Variants in CNTNAP2 observed in about 807,000 individuals in gnomAD.
The protein encoded by CNTNAP2 is contactin-associated protein-like 2.
In CNTNAP2, 98 loss-of-function variants were observed where a neutral mutation model predicts 155.2. The ratio of observed to expected loss-of-function variants is 0.63; its 90% CI spans 0.54 to 0.75. CNTNAP2 has a LOEUF of 0.75. Among genes scored for constraint, CNTNAP2 ranks in the 30% least tolerant of loss-of-function variants. The pLI, the probability that CNTNAP2 is intolerant of heterozygous loss-of-function variation, is 0.00. For synonymous variants in CNTNAP2, 651 were observed against 631.2 expected (o/e 1.03, Z -0.47); for missense variants, 1,727 against 1,688.1 (o/e 1.02, Z -0.40).
chr7:148,061,831 A>G (rs1585104338), intron 15 of CNTNAP2, among the ~76,000 whole-genome samples: 1 of 128,266 alleles, frequency 7.8e-6, no homozygotes, highest in African/African-American at 2.9e-5. Flanking sequence ...TGTAGTCTAG[A>G]TACCTAGATA....
chr7:146,706,545 C>T (rs182760383), intron 1 of CNTNAP2, among the ~76,000 whole-genome samples: 62 of 152,042 alleles, frequency 4.1e-4, no homozygotes, highest in Middle Eastern at 3.4e-3. Flanking sequence ...AACAGGCGGC[C>T]GCTGAATGTC....
At chr7:148,099,139 C>T (rs2116577270) in intron 15 of CNTNAP2, among the ~76,000 whole-genome samples, 1 of 152,218 alleles carries the variant, frequency 6.6e-6, no homozygotes, top group South Asian at 2.1e-4. Flanking sequence ...AAAAATAGAA[C>T]CGAGTGTTCA....
intron 8 of CNTNAP2, among the ~76,000 whole-genome samples, chr7:147,293,925 G>A (rs1299013952): frequency 6.6e-6 from 1 of 152,112 alleles, no homozygotes; most frequent in East Asian, 1.9e-4. Context: ...AAATGAGAAG[G>A]TGCTGTAATA....
At chr7:147,913,898 G>T (rs1316164431) in intron 14 of CNTNAP2, among the ~76,000 whole-genome samples, 1 of 152,136 alleles carries the variant, frequency 6.6e-6, no homozygotes, top group Non-Finnish European at 1.5e-5. Flanking sequence ...CAACTGGGTA[G>T]GAATGTATGA....
At chr7:146,488,461 C>T (rs1479717441) in intron 1 of CNTNAP2, among the ~76,000 whole-genome samples, 1 of 151,576 alleles carries the variant, frequency 6.6e-6, no homozygotes, top group Non-Finnish European at 1.5e-5. Context: ...GTAGGTATAC[C>T]TGGAATGCAT....
chr7:147,934,226 A>G (rs1922888), intron 14 of CNTNAP2, among the ~76,000 whole-genome samples: 105,414 of 152,020 alleles, frequency 0.69, 40,373 homozygotes, highest in Non-Finnish European at 0.85. Flanking sequence ...CCTTTTTCAC[A>G]CTGCTGATAA....
chr7:148,051,058 T>C (rs766308608), intron 15 of CNTNAP2, among the ~76,000 whole-genome samples: 29 of 152,362 alleles, frequency 1.9e-4, no homozygotes, highest in Non-Finnish European at 3.7e-4. Context: ...ACTGTATTAG[T>C]AAACTAAATT....
At chr7:147,065,075 C>A (rs1057105418) in intron 4 of CNTNAP2, among the ~76,000 whole-genome samples, 1 of 152,246 alleles carries the variant, frequency 6.6e-6, no homozygotes, top group South Asian at 2.1e-4. Context: ...GTTTTAAATG[C>A]ACAAATGGAC....
chr7:147,590,643 G>A (rs1800719215), intron 12 of CNTNAP2, among the ~76,000 whole-genome samples: 2 of 152,120 alleles, frequency 1.3e-5, no homozygotes, highest in African/African-American at 4.8e-5. Context: ...TTCTGTCCGT[G>A]AACAACTTAT....
At chr7:147,710,163 CA>C (rs1796382017) in intron 13 of CNTNAP2, among the ~76,000 whole-genome samples, 1 of 152,146 alleles carries the variant, frequency 6.6e-6, no homozygotes, top group Admixed American at 6.5e-5. Flanking sequence ...ATTGTTTCTG[CA>C]TGTTGGAGTT....
intron 21 of CNTNAP2, among the ~76,000 whole-genome samples, chr7:148,344,749 T>C (rs1317760665): frequency 1.3e-5 from 2 of 152,222 alleles, no homozygotes; most frequent in Non-Finnish European, 2.9e-5. Context: ...CAGCAGCATA[T>C]GTGAAAGCAC....
chr7:146,499,779 G>T (rs181516706), intron 1 of CNTNAP2, among the ~76,000 whole-genome samples: 3 of 152,140 alleles, frequency 2.0e-5, no homozygotes, highest in African/African-American at 7.2e-5. Flanking sequence ...CACTGGTGTT[G>T]TATTGAAGCT....
intron 3 of CNTNAP2, among the ~76,000 whole-genome samples, chr7:146,896,162 G>A (rs1197035193): frequency 6.6e-6 from 1 of 152,046 alleles, no homozygotes; most frequent in Non-Finnish European, 1.5e-5. Context: ...AGAATCACAT[G>A]AATCCAGAAT....
At chr7:147,598,883 C>T (rs1008662720) in intron 12 of CNTNAP2, among the ~76,000 whole-genome samples, 1 of 152,074 alleles carries the variant, frequency 6.6e-6, no homozygotes, top group Non-Finnish European at 1.5e-5. Flanking sequence ...ACTGCTCCCT[C>T]CTGCCACCAT....
chr7:146,247,986 A>G (rs1799690152), intron 1 of CNTNAP2, among the ~76,000 whole-genome samples: 1 of 151,116 alleles, frequency 6.6e-6, no homozygotes. Flanking sequence ...CAGAGATATA[A>G]GAGGTTGGGG....
Position 147,519,012 on chromosome 7 carries a change from A to G in CNTNAP2, c.1777+32971A>G, listed in dbSNP as rs534643645. ...CGCCACTGCACTCCAGCCTGGCGAC[A>G]GACTCTGTCTCAAAAAAAAAAAAAA... On this transcript the variant is annotated intron_variant, in intron 11 of 23. Transcript: ENST00000361727. Among the ~76,000 whole-genome samples the G allele has an allele frequency of 6.0e-5, 8 of 133,758 alleles. No individual in the cohort carries two copies. In the South Asian group the frequency reaches 2.2e-3, roughly 37 times the overall value. 87.8% of individuals were successfully genotyped at this position (133,758 alleles called of 152,430 possible).
chr7:146,318,582 A>C (rs759316210), intron 1 of CNTNAP2, among the ~76,000 whole-genome samples: 2 of 152,130 alleles, frequency 1.3e-5, no homozygotes, highest in Non-Finnish European at 2.9e-5. Flanking sequence ...CTCCCTATTT[A>C]CAAACACTCT....
chr7:148,408,275 CAA>C (rs746782224), intron 22 of CNTNAP2, among the ~76,000 whole-genome samples: 14 of 151,294 alleles, frequency 9.3e-5, no homozygotes, highest in African/African-American at 2.7e-4. Flanking sequence ...CACACACACA[CAA>C]AAAAAGAATA....
Position 147,861,999 on chromosome 7 carries a change from CAAAAAAAAAAAAA to C in CNTNAP2, c.2099-41554_2099-41542del, listed in dbSNP as rs57139075. Among the ~76,000 whole-genome samples, 26 of 94,976 alleles carry C rather than the reference CAAAAAAAAAAAAA, an allele frequency of 2.7e-4. No homozygotes were observed. In the Admixed American group the frequency reaches 3.0e-3, roughly 11 times the overall value. The allele number at this position is 94,976 out of a possible 152,430, so 62.3% of individuals were successfully genotyped here. ...GGCAATAGAGTGAAACTCCATCTCA[CAAAAAAAAAAAAA>C]AAAAAAAAAAATTAAGACACGAAGG... On this transcript the variant is annotated intron_variant, in intron 13 of 23. Coordinates refer to ENST00000361727, the MANE Select transcript of CNTNAP2 (RefSeq NM_014141.6).
Sources: gnomAD v4.1 joint callset for allele counts (sites outside exome capture counted in the v4.1 genomes callset) on GRCh38, gnomAD v4.1.1 for gene constraint, MANE v1.5 for transcripts, NCBI Gene and HGNC (gene_info 2026-07-23, HGNC 2026-07-21) for gene names.